STXBP6: variants seen among roughly 807,000 people sequenced by gnomAD.
The protein encoded by STXBP6 is syntaxin binding protein 6.
A neutral mutation model predicts 26.9 loss-of-function variants in STXBP6; 21 were observed. The ratio of observed to expected loss-of-function variants is 0.78; its 90% CI spans 0.55 to 1.12. STXBP6 has a LOEUF of 1.12. Among genes scored for constraint, STXBP6 ranks in the 50% most tolerant of loss-of-function variants. The pLI is 0.00. For missense variants in STXBP6, 232 were observed against 257.9 expected, an observed-to-expected ratio of 0.90 and a Z score of 0.69; for synonymous variants, 97 against 92.6, an observed-to-expected ratio of 1.05 and a Z score of -0.27.
At chr14:24,862,179 TTTG>T (rs2069564178) in intron 2 of STXBP6, among the ~76,000 whole-genome samples, 2 of 152,016 alleles carry the variant, frequency 1.3e-5, no homozygotes, top group Non-Finnish European at 2.9e-5. Flanking sequence ...TTTTATTTTT[TTTG>T]TAGAGATGGG....
At chr14:24,905,256 C>A (rs74677419) in intron 2 of STXBP6, among the ~76,000 whole-genome samples, 2,230 of 152,260 alleles carry the variant, frequency 0.015, 58 homozygotes, top group African/African-American at 0.05. Flanking sequence ...CAGTTCAAAT[C>A]TCAGGATGGC....
At chr14:24,842,964 G>A (rs2068830331) in intron 4 of STXBP6, among the ~76,000 whole-genome samples, 1 of 152,058 alleles carries the variant, frequency 6.6e-6, no homozygotes, top group Non-Finnish European at 1.5e-5. Context: ...CCCAAAAGAG[G>A]GGAGTCACAA....
chr14:25,024,571 A>G (rs1242361480), intron 1 of STXBP6, among the ~76,000 whole-genome samples: 2 of 152,136 alleles, frequency 1.3e-5, no homozygotes, highest in African/African-American at 4.8e-5. Flanking sequence ...TTTCTGATAC[A>G]AAGTTAGTAA....
intron 2 of STXBP6, among the ~76,000 whole-genome samples, chr14:24,920,558 C>T (rs961518862): frequency 5.9e-5 from 9 of 151,806 alleles, no homozygotes; most frequent in Non-Finnish European, 1.2e-4. Flanking sequence ...CTAGAGATTC[C>T]CCTTTTATTT....
chr14:25,000,391 G>A (rs2074729769), intron 1 of STXBP6, among the ~76,000 whole-genome samples: 1 of 151,054 alleles, frequency 6.6e-6, no homozygotes, highest in Non-Finnish European at 1.5e-5. Context: ...GTTAGGACTG[G>A]GTTAGGCTCT....
At chr14:24,947,513 A>G (rs1303817677) in intron 2 of STXBP6, among the ~76,000 whole-genome samples, 1 of 152,250 alleles carries the variant, frequency 6.6e-6, no homozygotes, top group Non-Finnish European at 1.5e-5. Context: ...ACTGCCAACT[A>G]CATCGGTAAG....
chr14:24,827,204 C>A (rs996074024), intron 4 of STXBP6, among the ~76,000 whole-genome samples: 1 of 151,964 alleles, frequency 6.6e-6, no homozygotes, highest in Non-Finnish European at 1.5e-5. Flanking sequence ...TTGTCATAAA[C>A]AAAGAAATAA....
intron 2 of STXBP6, among the ~76,000 whole-genome samples, chr14:24,909,296 G>A (rs1322617102): frequency 6.6e-6 from 1 of 152,218 alleles, no homozygotes; most frequent in Non-Finnish European, 1.5e-5. Flanking sequence ...AGCACGTCAT[G>A]CGTGGAGCGC....
chr14:25,029,362 G>C (rs372585175), intron 1 of STXBP6, among the ~76,000 whole-genome samples: 52 of 152,098 alleles, frequency 3.4e-4, no homozygotes, highest in Non-Finnish European at 4.3e-4. Flanking sequence ...CCCTCGACCA[G>C]CAAAAGGATT....
chr14:24,915,245 T>A (rs1352411159), intron 2 of STXBP6, among the ~76,000 whole-genome samples: 1 of 152,150 alleles, frequency 6.6e-6, no homozygotes, highest in Non-Finnish European at 1.5e-5. Context: ...ATTTCAACTA[T>A]GGTTCAGGAT....
intron 2 of STXBP6, 88 bp from the exon 3 acceptor site, chr14:24,857,245 G>A (rs1228563606): frequency 5.8e-6 from 9 of 1,542,494 alleles, no homozygotes; most frequent in Admixed American, 1.7e-5. Flanking sequence ...GACACCTACT[G>A]TGTATATGCA....
At chr14:24,925,282 G>A (rs948175062) in intron 2 of STXBP6, among the ~76,000 whole-genome samples, 17 of 152,116 alleles carry the variant, frequency 1.1e-4, no homozygotes, top group Non-Finnish European at 1.9e-4. Flanking sequence ...CAAAGCCCTC[G>A]CCCAAGTTTT....
chr14:24,818,219 C>A, intron 5 of STXBP6: 1 of 442,060 alleles, frequency 2.3e-6, no homozygotes, highest in Non-Finnish European at 4.5e-6. Flanking sequence ...AGAAAAAAAA[C>A]TGCCCTTTGA....
At chr14:24,823,333 T>C (rs2068194214) in intron 4 of STXBP6, among the ~76,000 whole-genome samples, 1 of 152,074 alleles carries the variant, frequency 6.6e-6, no homozygotes, top group African/African-American at 2.4e-5. Context: ...GAGTAAAGTA[T>C]ATTGAGAAGT....
intron 1 of STXBP6, among the ~76,000 whole-genome samples, chr14:25,031,699 G>A (rs2075458302): frequency 6.6e-6 from 1 of 150,866 alleles, no homozygotes; most frequent in African/African-American, 2.4e-5. Flanking sequence ...AAGAATGGCT[G>A]TATGTATCTC....
chr14:24,909,653 G>A (rs959120856), intron 2 of STXBP6, among the ~76,000 whole-genome samples: 18 of 151,558 alleles, frequency 1.2e-4, no homozygotes, highest in African/African-American at 4.1e-4. Flanking sequence ...TAGGTGTGGC[G>A]GCTAGTTGGT....
At chr14:24,951,235 A>T (rs2140058004) in intron 2 of STXBP6, among the ~76,000 whole-genome samples, 1 of 152,312 alleles carries the variant, frequency 6.6e-6, no homozygotes, top group Admixed American at 6.5e-5. Flanking sequence ...AATTATTTAT[A>T]ACCGTTTGGG....
chr14:24,879,463 C>T (rs1213326723), intron 2 of STXBP6, among the ~76,000 whole-genome samples: 1 of 152,150 alleles, frequency 6.6e-6, no homozygotes, highest in African/African-American at 2.4e-5. Flanking sequence ...GTTTCTTGCC[C>T]TCCTCCCTGC....
chr14:24,956,076 A>G (rs4981565), intron 2 of STXBP6, among the ~76,000 whole-genome samples: 103,698 of 151,972 alleles, frequency 0.68, 35,564 homozygotes, highest in Middle Eastern at 0.76. Flanking sequence ...CATACCCAAA[A>G]GCACAAGAGA....
Sources: allele counts gnomAD v4.1 joint callset (sites outside exome capture counted in the v4.1 genomes callset), GRCh38; gene constraint gnomAD v4.1.1; transcripts MANE v1.5; gene names NCBI Gene and HGNC (gene_info 2026-07-23, HGNC 2026-07-21).